Variants in HTR4 observed in about 807,000 individuals in gnomAD.
HTR4 encodes the protein 5-hydroxytryptamine receptor 4, also known as 5-hydroxytryptamine (serotonin) receptor 4, G protein-coupled.
A neutral mutation model predicts 36.8 loss-of-function variants in HTR4; 16 were observed. The observed-to-expected ratio is 0.43, with a 90% confidence interval of 0.29 to 0.66. The LOEUF (loss-of-function observed/expected upper bound fraction) is 0.66, where lower values mean the gene tolerates loss of function less well. HTR4 is among the 30% of genes least tolerant of loss of function. HTR4 has a pLI of 0.13. For missense variants in HTR4, 438 were observed against 490.9 expected (o/e 0.89, Z 1.02); for synonymous variants, 189 against 185.1 (o/e 1.02, Z -0.17).
chr5:148,456,359 G>A (rs1199443044), intron 5 of HTR4, among the ~76,000 whole-genome samples: 1 of 152,192 alleles, frequency 6.6e-6, no homozygotes, highest in African/African-American at 2.4e-5. Context: ...ACACACCGCT[G>A]TTGCTGGCTA....
intron 4 of HTR4, among the ~76,000 whole-genome samples, chr5:148,544,952 T>A (rs891879696): frequency 9.2e-5 from 14 of 152,346 alleles, no homozygotes; most frequent in African/African-American, 3.4e-4. Context: ...CTGCCGGGAA[T>A]AACATGGCTA....
intron 2 of HTR4, among the ~76,000 whole-genome samples, chr5:148,602,850 A>C (rs901874193): frequency 3.9e-5 from 6 of 152,186 alleles, no homozygotes; most frequent in African/African-American, 1.4e-4. Flanking sequence ...AGTAATAAAC[A>C]TGTAAGCAAC....
chr5:148,605,509 C>T (rs1213017738), intron 2 of HTR4, among the ~76,000 whole-genome samples: 2 of 151,838 alleles, frequency 1.3e-5, no homozygotes, highest in African/African-American at 2.4e-5. Flanking sequence ...CCACCCGCCT[C>T]GGCCTCTGAA....
At chr5:148,627,325 T>C (rs1270961024) in intron 2 of HTR4, among the ~76,000 whole-genome samples, 1 of 150,106 alleles carries the variant, frequency 6.7e-6, no homozygotes, top group African/African-American at 2.4e-5. Context: ...ATTTTTTGAA[T>C]GCTAAGAAGT....
intron 2 of HTR4, among the ~76,000 whole-genome samples, chr5:148,636,680 T>C (rs1753551866): frequency 6.6e-6 from 1 of 152,204 alleles, no homozygotes. Context: ...TCTTAAGCTA[T>C]TTTTACCCCT....
At chr5:148,475,458 A>G (rs1000244010), downstream of HTR4, among the ~76,000 whole-genome samples, 1 of 152,204 alleles carries the variant, frequency 6.6e-6, no homozygotes, top group African/African-American at 2.4e-5. Context: ...AGACACATTA[A>G]TTGGAGAGGA....
At chr5:148,601,587 G>A (rs373278115) in intron 2 of HTR4, among the ~76,000 whole-genome samples, 7 of 152,130 alleles carry the variant, frequency 4.6e-5, no homozygotes, top group African/African-American at 1.7e-4. Flanking sequence ...GATATCTTGA[G>A]CTCAGGAGTT....
chr5:148,540,395 T>TGG (rs1417411407), intron 4 of HTR4, among the ~76,000 whole-genome samples: 3 of 60,266 alleles, frequency 5.0e-5, no homozygotes, highest in African/African-American at 9.8e-5. Context: ...TTATTTTATG[T>TGG]GTGTGTATAT....
At chr5:148,635,051 A>G (rs922059582) in intron 2 of HTR4, among the ~76,000 whole-genome samples, 2 of 152,168 alleles carry the variant, frequency 1.3e-5, no homozygotes, top group South Asian at 4.1e-4. Context: ...ATAAAAATGC[A>G]TAATATTTTT....
At chr5:148,533,359 C>A (rs1392099043) in intron 4 of HTR4, among the ~76,000 whole-genome samples, 1 of 152,170 alleles carries the variant, frequency 6.6e-6, no homozygotes, top group Non-Finnish European at 1.5e-5. Context: ...TCATAAAACT[C>A]CATTAAAATC....
rs1359032855 is a variant in HTR4 at position 148,548,731 on chromosome 5, G to A, written c.290C>T (p.Thr97Ile). The change falls in exon 4 of 7, where the codon ACA becomes ATA. Residue 97 changes from threonine to isoleucine, a missense_variant. Coordinates refer to ENST00000377888, the MANE Select transcript of HTR4 (RefSeq NM_000870.7). ...CGTTGTGAGCAGGACGTCCAGAGAT[G>A]TCCGAACAAGACAAAACACCTCCCC... ...IYGEVFCLVR[T>I]SLDVLLTTAS... The A allele has an allele frequency of 3.1e-6, 5 of 1,612,926 alleles. No homozygotes were observed. The highest frequency in any genetic ancestry group is 2.5e-6 in the Non-Finnish European group (3 of 1,179,406).
chr5:148,564,089 A>G (rs945161679), intron 2 of HTR4, among the ~76,000 whole-genome samples: 1 of 152,206 alleles, frequency 6.6e-6, no homozygotes, highest in African/African-American at 2.4e-5. Context: ...ATGTCTTCCC[A>G]TTGCAATTTT....
intron 1 of HTR4, among the ~76,000 whole-genome samples, chr5:148,638,968 G>A (rs1285832924): frequency 6.6e-6 from 1 of 152,050 alleles, no homozygotes; most frequent in Non-Finnish European, 1.5e-5. Flanking sequence ...GATCACCTGA[G>A]CCCAGGAGGT....
intron 6 of HTR4, among the ~76,000 whole-genome samples, chr5:148,489,829 T>C (rs1331056303): frequency 6.6e-6 from 1 of 152,108 alleles, no homozygotes; most frequent in Non-Finnish European, 1.5e-5. Flanking sequence ...CTCTGCCCAC[T>C]GCAAGTCCTA....
At chr5:148,534,126 T>C (rs1186922616) in intron 4 of HTR4, among the ~76,000 whole-genome samples, 1 of 152,220 alleles carries the variant, frequency 6.6e-6, no homozygotes, top group Non-Finnish European at 1.5e-5. Flanking sequence ...TTGATGTAGA[T>C]GTTACATGCC....
intron 2 of HTR4, among the ~76,000 whole-genome samples, chr5:148,557,705 C>T (rs961665848): frequency 2.7e-5 from 4 of 150,602 alleles, no homozygotes; most frequent in Admixed American, 6.6e-5. Flanking sequence ...CAGATGAGAG[C>T]GGTATTTTGG....
chr5:148,604,754 A>G (rs1462220608), intron 2 of HTR4, among the ~76,000 whole-genome samples: 2 of 152,228 alleles, frequency 1.3e-5, no homozygotes, highest in Non-Finnish European at 2.9e-5. Flanking sequence ...ACACTAAACA[A>G]TATAGAATGT....
At chr5:148,560,382 A>G (rs929408279) in intron 2 of HTR4, among the ~76,000 whole-genome samples, 5 of 152,142 alleles carry the variant, frequency 3.3e-5, no homozygotes, top group Admixed American at 1.3e-4. Context: ...AACTTAGTGC[A>G]TCTTGGGTGA....
intron 5 of HTR4, among the ~76,000 whole-genome samples, chr5:148,511,900 C>T (rs1387270379): frequency 6.6e-6 from 1 of 152,054 alleles, no homozygotes; most frequent in Non-Finnish European, 1.5e-5. Context: ...AAGTAAAATA[C>T]TCCATGTGTT....
Sources: allele counts gnomAD v4.1 joint callset (sites outside exome capture counted in the v4.1 genomes callset), GRCh38; gene constraint gnomAD v4.1.1; transcripts MANE v1.5; gene names NCBI Gene and HGNC (gene_info 2026-07-23, HGNC 2026-07-21).